The following ADH1B variants were observed in gnomAD, a reference collection of about 807,000 sequenced individuals.
The protein encoded by ADH1B is alcohol dehydrogenase 1B (class I), beta polypeptide, also known as all-trans-retinol dehydrogenase [NAD(+)] ADH1B.
A neutral mutation model predicts 34.6 loss-of-function variants in ADH1B; 29 were observed. That is an observed-to-expected ratio of 0.84 (90% CI 0.62 to 1.14). The LOEUF is 1.14. ADH1B is among the 50% of genes most tolerant of loss of function. The probability of loss-of-function intolerance (pLI) is 0.00; values close to 1 mark genes in which losing one functional copy is unlikely to be tolerated. For missense variants in ADH1B, 424 were observed against 468.4 expected, an observed-to-expected ratio of 0.91 and a Z score of 0.87; for synonymous variants, 170 against 175.5, an observed-to-expected ratio of 0.97 and a Z score of 0.25.
chr4:99,309,749 T>G (rs1733702536), intron 8 of ADH1B, among the ~76,000 whole-genome samples: 1 of 152,196 alleles, frequency 6.6e-6, no homozygotes, highest in African/African-American at 2.4e-5. Context: ...TTGATGATTT[T>G]GGCAAAGTCA....
intron 1 of ADH1B, chr4:99,319,311 G>T (rs866104246): frequency 4.2e-5 from 10 of 237,442 alleles, no homozygotes; most frequent in African/African-American, 2.1e-4. Context: ...TCAATTTTCT[G>T]CTTAGGCCAA....
intron 8 of ADH1B, among the ~76,000 whole-genome samples, chr4:99,309,948 T>C (rs1240227242): frequency 6.6e-6 from 1 of 152,134 alleles, no homozygotes; most frequent in African/African-American, 2.4e-5. Context: ...AATGATTTTG[T>C]GAGTGCCAAA....
At chr4:99,314,245 C>G in intron 5 of ADH1B, 164 bp from the exon 6 acceptor site, 1 of 1,183,908 alleles carries the variant, frequency 8.4e-7, no homozygotes, top group East Asian at 2.5e-5. Context: ...TTTTTAAATT[C>G]AAGGGGATGA....
chr4:99,319,365 C>T (rs775272663), intron 1 of ADH1B: 82 of 162,742 alleles, frequency 5.0e-4, no homozygotes, highest in Admixed American at 9.2e-4. Flanking sequence ...TACCTTCCTG[C>T]GCACAATGAC....
chr4:99,311,690 T>C (rs1224668302), intron 6 of ADH1B, 34 bp from the exon 7 acceptor site: 2 of 1,610,742 alleles, frequency 1.2e-6, no homozygotes, highest in Non-Finnish European at 1.7e-6. Context: ...ATCCTTAACG[T>C]GGAGTCGCAT....
chr4:99,308,584 A>G (rs1733673598), intron 8 of ADH1B, among the ~76,000 whole-genome samples: 2 of 152,060 alleles, frequency 1.3e-5, no homozygotes, highest in Non-Finnish European at 2.9e-5. Flanking sequence ...CAAATGGAAC[A>G]TTTACACTAG....
In ADH1B at chr4:99,318,741, G is replaced by A. The variant is rs28913913; in HGVS notation, c.120+44C>T. 372 of 1,559,914 alleles carry A rather than the reference G, an allele frequency of 2.4e-4. 1 individual carries two copies. In the African/African-American group the frequency reaches 4.8e-3, roughly 20 times the overall value. On this transcript the variant is annotated intron_variant, in intron 2 of 8. Coordinates refer to ENST00000305046, the MANE Select transcript of ADH1B (RefSeq NM_000668.6). ...TGTTTCCATTTTTAATGTTCTCTGA[G>A]TTTTTTAAATGTAAAATGAAATATA...
chr4:99,318,218 A>G (rs558512885), intron 2 of ADH1B, 34 bp from the exon 3 acceptor site: 1 of 1,612,346 alleles, frequency 6.2e-7, no homozygotes, highest in African/African-American at 1.3e-5. Flanking sequence ...CAGATTCAGA[A>G]AAGATTGTAA....
rs1182162110 is a variant in ADH1B at position 99,318,829 on chromosome 4, C to A, written c.76G>T (p.Asp26Tyr). Residue 26 changes from aspartate to tyrosine, a missense_variant, in exon 2 of 9, where the codon GAT (aspartate) becomes TAT (tyrosine). Physicochemically the swap from Asp to Tyr is radical, Grantham distance 160. This residue lies in a region of ADH1B where 291 missense variants were observed against 300.4 expected (regional missense o/e 0.97). Transcript: ENST00000305046. ...WEVKKPFSIE[D>Y]VEVAPPKAYE... ...GCCTTAGGAGGTGCAACCTCCACAT[C>A]CTCAATGGAAAAGGGTTTCTTTACC... The A allele has an allele frequency of 6.2e-7, 1 of 1,613,924 alleles. No individual in the cohort carries two copies. The highest frequency in any genetic ancestry group is 8.5e-7 in the Non-Finnish European group (1 of 1,179,898).
chr4:99,313,882 T>A lies in ADH1B; in HGVS notation c.767A>T (p.Lys256Met), dbSNP rs141384054. 11 of 1,613,976 alleles carry A rather than the reference T, an allele frequency of 6.8e-6. No individual in the cohort carries two copies. Among genetic ancestry groups the A allele is most frequent in the African/African-American group, 1.3e-5 (1 of 74,926 alleles). ...ATCCACACCTCCATCAGTCATTTCC[T>A]TTAGCACTTCCTGAATGGGTTTCTT... ...DYKKPIQEVL[K>M]EMTDGGVDFS... Residue 256 changes from lysine (K) to methionine (M), a missense_variant, in exon 6 of 9, where the codon AAG becomes ATG. By Grantham distance (95) the Lys-to-Met change is moderately conservative. Coordinates refer to ENST00000305046, the MANE Select transcript of ADH1B (RefSeq NM_000668.6).
chr4:99,305,528 T>C lies in ADH1B; in HGVS notation c.*2312A>G. 1.3e-5 allele frequency: 1 copy of C among 77,700 alleles called. No homozygotes were observed. The highest frequency in any genetic ancestry group is 6.1e-5 in the African/African-American group (1 of 16,264). 4.8% of individuals were successfully genotyped at this position (77,700 alleles called of 1,614,324 possible). On this transcript the variant is annotated 3_prime_UTR_variant, in exon 9 of 9. Transcript: ENST00000305046. ...TATATATATATATATATATATACAA[T>C]CACTTAACTATATGAACCACTTGCC...
chr4:99,319,995 A>G (rs1192866261), intron 1 of ADH1B: 1 of 152,142 alleles, frequency 6.6e-6, no homozygotes, highest in Non-Finnish European at 1.5e-5. Context: ...GCACATTGTG[A>G]CCTGTGCTGG....
chr4:99,318,296 C>A (rs1319212448), intron 2 of ADH1B, 112 bp from the exon 3 acceptor site: 2 of 1,352,190 alleles, frequency 1.5e-6, no homozygotes, highest in Non-Finnish European at 2.1e-6. Flanking sequence ...GGTTTTGCTA[C>A]TAATCCCTAC....
chr4:99,320,804 T>TA, intron 1 of ADH1B: 1 of 1,195,974 alleles, frequency 8.4e-7, no homozygotes, highest in Non-Finnish European at 1.1e-6. Flanking sequence ...TTGATGATTC[T>TA]AATGCTGTGA....
At chr4:99,308,470 TGG>T (rs1377867124) in intron 8 of ADH1B, among the ~76,000 whole-genome samples, 1 of 151,596 alleles carries the variant, frequency 6.6e-6, no homozygotes. Context: ...AAGACTATGC[TGG>T]AAGTTTAAAA....
chr4:99,318,020 G>T (rs746775591), intron 3 of ADH1B, 26 bp downstream of exon 3: 2 of 1,612,704 alleles, frequency 1.2e-6, no homozygotes, highest in Middle Eastern at 1.7e-4. Context: ...TGAACCACAC[G>T]TGTTCCCTGA....
intron 8 of ADH1B, among the ~76,000 whole-genome samples, chr4:99,309,207 C>G (rs1165200007): frequency 6.6e-6 from 1 of 151,834 alleles, no homozygotes; most frequent in Non-Finnish European, 1.5e-5. Context: ...GCATGTTTGA[C>G]TAGTTGATTA....
intron 8 of ADH1B, among the ~76,000 whole-genome samples, chr4:99,309,239 G>A (rs138463122): frequency 2.2e-4 from 33 of 152,214 alleles, no homozygotes; most frequent in African/African-American, 7.9e-4. Flanking sequence ...TAGATTTCTA[G>A]AAATGGAATT....
intron 1 of ADH1B, 87 bp from the exon 2 acceptor site, chr4:99,318,973 T>C: frequency 1.4e-6 from 2 of 1,380,024 alleles, no homozygotes; most frequent in Non-Finnish European, 2.1e-6. Flanking sequence ...ACATGTAATA[T>C]TGCGTCCCAT....
Sources: allele counts gnomAD v4.1 joint callset (sites outside exome capture counted in the v4.1 genomes callset), GRCh38; gene constraint gnomAD v4.1.1; regional missense constraint gnomAD v4.1.1; transcripts MANE v1.5; gene names NCBI Gene and HGNC (gene_info 2026-07-23, HGNC 2026-07-21).